LRRC9: variants seen among roughly 807,000 people sequenced by gnomAD.
LRRC9 encodes the protein leucine-rich repeat-containing protein 9.
Under a neutral mutation model 63.2 loss-of-function variants are expected in LRRC9, and 122 were observed. That is an observed-to-expected ratio of 1.93 (90% CI 1.67 to 2.24). The LOEUF (loss-of-function observed/expected upper bound fraction) is 2.24, where lower values mean the gene tolerates loss of function less well. Ranked by LOEUF, LRRC9 falls within the 30% of genes most tolerant of loss-of-function variation. LRRC9 has a pLI of 0.00. For synonymous variants in LRRC9, 366 were observed against 213.1 expected (o/e 1.72, Z -6.25); for missense variants, 1,071 against 627.7 (o/e 1.71, Z -7.55).
intron 23 of LRRC9, among the ~76,000 whole-genome samples, chr14:60,015,621 A>G (rs1316975937): frequency 2.0e-5 from 3 of 152,112 alleles, no homozygotes; most frequent in Admixed American, 2.0e-4. Flanking sequence ...CCTTGTTACT[A>G]TTACCCAGAA....
At chr14:60,037,715 T>C (rs1892570944) in intron 29 of LRRC9, among the ~76,000 whole-genome samples, 2 of 152,196 alleles carry the variant, frequency 1.3e-5, no homozygotes, top group African/African-American at 4.8e-5. Flanking sequence ...ATTCTGCAGG[T>C]TGCCTGTTCA....
chr14:60,026,013 A>T (rs1891522198), intron 27 of LRRC9, among the ~76,000 whole-genome samples: 1 of 152,108 alleles, frequency 6.6e-6, no homozygotes. Flanking sequence ...GTCATTGGGA[A>T]ATGTTGCTCA....
chr14:60,024,433 G>A (rs1891361702), intron 27 of LRRC9, among the ~76,000 whole-genome samples: 1 of 152,026 alleles, frequency 6.6e-6, no homozygotes, highest in South Asian at 2.1e-4. Flanking sequence ...CAGGGCTTGG[G>A]ACATTAGTCT....
At position 60,003,496 on chromosome 14, in the gene LRRC9, C is replaced by T; in HGVS notation, c.2665-125C>T. 1.8e-6 allele frequency: 1 copy of T among 546,808 alleles called. No individual in the cohort carries two copies. Among genetic ancestry groups the T allele is most frequent in the Non-Finnish European group, 3.2e-6 (1 of 313,830 alleles). The allele number at this position is 546,808 out of a possible 1,614,324, so 33.9% of individuals were successfully genotyped here. On this transcript the variant is annotated intron_variant, in intron 20 of 31. Transcript: ENST00000445360. The surrounding 1 kb of genome is among the most constrained non-coding windows in gnomAD (Gnocchi z 4.2). ...GACAGCTTCACAATATCTTTAGCTC[C>T]TGAAGGAATTCTTTTGATATCTATT... is the stretch of plus-strand genomic sequence containing the variant.
At chr14:60,062,752 A>G (rs996452127) in intron 31 of LRRC9, among the ~76,000 whole-genome samples, 1 of 152,162 alleles carries the variant, frequency 6.6e-6, no homozygotes, top group African/African-American at 2.4e-5. Flanking sequence ...CCCAAGTATT[A>G]CCTGTCCCCC....
intron 26 of LRRC9, 143 bp downstream of exon 26, chr14:60,019,403 C>A: frequency 2.1e-6 from 1 of 477,134 alleles, no homozygotes; most frequent in Non-Finnish European, 3.7e-6. Flanking sequence ...TAGCTACATG[C>A]CAAAAATAAA....
intron 16 of LRRC9, among the ~76,000 whole-genome samples, chr14:59,984,427 T>C (rs219339): frequency 0.74 from 112,812 of 152,028 alleles, 44,134 homozygotes; most frequent in Non-Finnish European, 0.87. Context: ...TTTTGCAAGC[T>C]ATACATAAAT....
At chr14:59,996,463 A>G (rs1262966967) in intron 17 of LRRC9, among the ~76,000 whole-genome samples, 8 of 152,208 alleles carry the variant, frequency 5.3e-5, no homozygotes, top group Non-Finnish European at 1.0e-4. Flanking sequence ...TCTGGATTAA[A>G]AGAGTTGTTT....
intron 17 of LRRC9, 48 bp downstream of exon 17, chr14:59,985,272 G>C: frequency 1.7e-6 from 1 of 577,988 alleles, no homozygotes; most frequent in Non-Finnish European, 3.2e-6. Context: ...CATAGAAGCA[G>C]AAGTAGAATG....
exon 29 of LRRC9, chr14:60,032,062 C>T (rs150081309): frequency 1.4e-6 from 1 of 696,886 alleles, no homozygotes; most frequent in Non-Finnish European, 2.6e-6. Context: ...TATGGCAATC[C>T]AGTGAGTATG....
exon 14 of LRRC9, chr14:59,977,231 T>A: frequency 1.5e-6 from 1 of 672,600 alleles, no homozygotes; most frequent in Non-Finnish European, 2.7e-6. Flanking sequence ...TTAGGCATCC[T>A]CCTCATTACA....
At chr14:59,997,902 C>G (rs550708219) in intron 18 of LRRC9, 55 bp downstream of exon 18, 2 of 616,406 alleles carry the variant, frequency 3.2e-6, no homozygotes, top group Non-Finnish European at 5.8e-6. Flanking sequence ...AGAGCCATTT[C>G]CCTACTAACT....
intron 6 of LRRC9, among the ~76,000 whole-genome samples, chr14:59,935,260 C>T (rs1435852595): frequency 1.3e-5 from 2 of 148,566 alleles, no homozygotes; most frequent in African/African-American, 2.5e-5. Context: ...CACCACTGCA[C>T]TACAGCCTGG....
At position 59,938,135 on chromosome 14, in the gene LRRC9, G is replaced by A. The variant is rs1259119166; in HGVS notation, c.544-255G>A. Among the ~76,000 whole-genome samples the A allele has an allele frequency of 6.6e-6, 1 of 152,074 alleles. No individual in the cohort carries two copies. Among genetic ancestry groups the A allele is most frequent in the African/African-American group, 2.4e-5 (1 of 41,414 alleles). On this transcript the variant is annotated intron_variant, in intron 6 of 31. Transcript: ENST00000445360. This position sits in a 1 kb window ranked among gnomAD's most constrained non-coding sequence, Gnocchi z 4.2. The stretch of plus-strand genomic sequence containing the variant: ...ATGTGCTCACATCACTGGCTTCAAG[G>A]TTCCAGCTGGAATACATGATTTAGT...
intron 27 of LRRC9, among the ~76,000 whole-genome samples, chr14:60,026,758 CT>C (rs1301173270): frequency 6.6e-6 from 1 of 152,078 alleles, no homozygotes; most frequent in East Asian, 1.9e-4. Context: ...AAGAGACTGT[CT>C]TTTCCCCAAT....
chr14:60,039,618 A>C (rs1350131991), intron 29 of LRRC9, among the ~76,000 whole-genome samples: 10 of 152,054 alleles, frequency 6.6e-5, no homozygotes, highest in Admixed American at 6.6e-4. Flanking sequence ...TATCCTGTTT[A>C]TCATTTTTTA....
chr14:59,940,777 CT>C (rs904392752), intron 7 of LRRC9, among the ~76,000 whole-genome samples: 15 of 151,942 alleles, frequency 9.9e-5, no homozygotes, highest in Non-Finnish European at 1.8e-4. Context: ...ACTTTGAATT[CT>C]TTTTTGGCCA....
chr14:59,957,184 G>A (rs1157120122), intron 8 of LRRC9, among the ~76,000 whole-genome samples: 1 of 152,110 alleles, frequency 6.6e-6, no homozygotes, highest in Non-Finnish European at 1.5e-5. Context: ...TCTTGCTAGG[G>A]TGAGGAAGTT....
At chr14:60,008,304 T>C (rs2140235958) in intron 23 of LRRC9, 90 bp downstream of exon 23, 1 of 543,878 alleles carries the variant, frequency 1.8e-6, no homozygotes, top group East Asian at 3.1e-5. Flanking sequence ...GCTTTATCAC[T>C]AGCATTATAG....
Sources: gnomAD v4.1 joint callset for allele counts (sites outside exome capture counted in the v4.1 genomes callset) on GRCh38, gnomAD v4.1.1 for gene constraint, Gnocchi (gnomAD v3.1) non-coding constraint, MANE v1.5 for transcripts, NCBI Gene and HGNC (gene_info 2026-07-23, HGNC 2026-07-21) for gene names.